Variants in TYR observed in about 807,000 individuals in gnomAD.
TYR encodes tyrosinase.
TYR carries 58 observed loss-of-function variants against 51.5 expected under a neutral mutation model. The observed-to-expected ratio is 1.13, with a 90% CI of 0.91 to 1.40. TYR has a LOEUF of 1.40. TYR is among the 40% of genes most tolerant of loss of function. The probability of loss-of-function intolerance (pLI) is 0.00; values close to 1 mark genes in which losing one functional copy is unlikely to be tolerated. For missense variants in TYR, 732 were observed against 647.4 expected (o/e 1.13, Z -1.42); for synonymous variants, 263 against 235.2 (o/e 1.12, Z -1.08).
intron 1 of TYR, among the ~76,000 whole-genome samples, chr11:89,182,452 G>T (rs992011095): frequency 6.6e-6 from 1 of 152,034 alleles, no homozygotes; most frequent in Non-Finnish European, 1.5e-5. Flanking sequence ...CGTTCTCTCT[G>T]GTAGTTCCAT....
At chr11:89,246,482 T>C (rs78109059) in intron 3 of TYR, among the ~76,000 whole-genome samples, 5,140 of 152,296 alleles carry the variant, frequency 0.034, 142 homozygotes, top group African/African-American at 0.075. Flanking sequence ...TTACTCACTG[T>C]ACTCTAAATG....
intron 1 of TYR, among the ~76,000 whole-genome samples, chr11:89,182,337 G>T (rs1220338612): frequency 1.3e-5 from 2 of 152,130 alleles, no homozygotes; most frequent in African/African-American, 4.8e-5. Context: ...AGATTTCTAG[G>T]ACCATTCACT....
At chr11:89,249,272 G>C (rs1031942634) in intron 3 of TYR, among the ~76,000 whole-genome samples, 1 of 151,774 alleles carries the variant, frequency 6.6e-6, no homozygotes, top group African/African-American at 2.4e-5. Context: ...TAATTATTTA[G>C]CATTATTTAA....
chr11:89,202,275 T>C (rs1439979389), intron 2 of TYR, among the ~76,000 whole-genome samples: 1 of 152,074 alleles, frequency 6.6e-6, no homozygotes, highest in Non-Finnish European at 1.5e-5. Context: ...GCTGTTGAGG[T>C]TGTCTACAGT....
At position 89,210,488 on chromosome 11, in the gene TYR, T is replaced by C. The variant is rs966539760; in HGVS notation, c.1037-17335T>C. Among the ~76,000 whole-genome samples, 5 of 152,260 alleles carry C rather than the reference T, an allele frequency of 3.3e-5. No homozygotes were observed. The East Asian group carries it at 9.6e-4, about 29-fold the overall frequency. On this transcript the variant is annotated intron_variant, in intron 2 of 4. Transcript: ENST00000263321. ...ACTATTTGAAAAGACCAAACCTACA[T>C]TTGATTCGTGTACCTGAAAGTGATG... is the stretch of plus-strand genomic sequence containing the variant.
At chr11:89,278,338 T>G (rs770569966) in intron 3 of TYR, among the ~76,000 whole-genome samples, 1 of 151,628 alleles carries the variant, frequency 6.6e-6, no homozygotes, top group Non-Finnish European at 1.5e-5. Context: ...TTACTGTCTA[T>G]CTCCACCACT....
At chr11:89,245,027 C>G (rs1275395393) in intron 3 of TYR, among the ~76,000 whole-genome samples, 1 of 152,196 alleles carries the variant, frequency 6.6e-6, no homozygotes, top group Non-Finnish European at 1.5e-5. Context: ...ATCTGCAGCA[C>G]CTATCACTAT....
intron 3 of TYR, among the ~76,000 whole-genome samples, chr11:89,244,804 T>A (rs1944242818): frequency 6.6e-6 from 1 of 152,246 alleles, no homozygotes; most frequent in African/African-American, 2.4e-5. Flanking sequence ...CCTTTATGTG[T>A]CATGTGTTAT....
intron 3 of TYR, among the ~76,000 whole-genome samples, chr11:89,237,092 A>G (rs1944125822): frequency 6.6e-6 from 1 of 152,150 alleles, no homozygotes; most frequent in Non-Finnish European, 1.5e-5. Flanking sequence ...GCTCTAATCT[A>G]TTAACTCACA....
chr11:89,256,817 G>A (rs1020065359), intron 3 of TYR, among the ~76,000 whole-genome samples: 5 of 151,838 alleles, frequency 3.3e-5, no homozygotes, highest in Non-Finnish European at 7.4e-5. Context: ...ACCTGACATT[G>A]AAGGAGGAGC....
At chr11:89,293,574 C>A in intron 4 of TYR, among the ~76,000 whole-genome samples, 1 of 151,630 alleles carries the variant, frequency 6.6e-6, no homozygotes, top group Non-Finnish European at 1.5e-5. Context: ...TTCAAAGTAA[C>A]AAGTGGTATT....
intron 3 of TYR, among the ~76,000 whole-genome samples, chr11:89,244,060 T>C (rs970414451): frequency 2.0e-5 from 3 of 152,128 alleles, no homozygotes; most frequent in African/African-American, 7.2e-5. Context: ...ATTTTAAAAC[T>C]TTTTTGCAAC....
chr11:89,276,886 G>A (rs1847136), intron 3 of TYR, among the ~76,000 whole-genome samples: 3,259 of 151,884 alleles, frequency 0.021, 128 homozygotes, highest in African/African-American at 0.075. Flanking sequence ...TGATTCCAAT[G>A]TTGGTTGTAC....
At chr11:89,239,002 T>G (rs1944157627) in intron 3 of TYR, among the ~76,000 whole-genome samples, 2 of 152,168 alleles carry the variant, frequency 1.3e-5, no homozygotes, top group African/African-American at 4.8e-5. Flanking sequence ...TTTGAAGAGT[T>G]TTGCATCTAT....
chr11:89,185,290 A>G (rs1943355843), intron 1 of TYR, among the ~76,000 whole-genome samples: 1 of 152,186 alleles, frequency 6.6e-6, no homozygotes, highest in African/African-American at 2.4e-5. Flanking sequence ...CCTAGGACAG[A>G]GTAGTGACTC....
intron 3 of TYR, among the ~76,000 whole-genome samples, chr11:89,274,204 T>C (rs1944623862): frequency 6.6e-6 from 1 of 151,908 alleles, no homozygotes; most frequent in Non-Finnish European, 1.5e-5. Context: ...CTTTAGATTG[T>C]ATGATTCTCT....
intron 3 of TYR, among the ~76,000 whole-genome samples, chr11:89,276,156 C>T (rs548039119): frequency 6.3e-4 from 96 of 151,902 alleles, no homozygotes; most frequent in Non-Finnish European, 1.1e-3. Context: ...TGTACTTGTG[C>T]CTGCTTTGAA....
intron 1 of TYR, among the ~76,000 whole-genome samples, chr11:89,184,616 C>T (rs35518533): frequency 0.2 from 30,775 of 151,888 alleles, 4,368 homozygotes; most frequent in African/African-American, 0.41. Flanking sequence ...GATTTAGGAA[C>T]GTTATGAGGT....
chr11:89,284,582 A>G (rs1944758669), intron 3 of TYR, among the ~76,000 whole-genome samples, 191 bp from the exon 4 acceptor site: 1 of 151,948 alleles, frequency 6.6e-6, no homozygotes, highest in South Asian at 2.1e-4. Flanking sequence ...TATTTATTTT[A>G]AATGAGTGAA....
Sources: allele counts gnomAD v4.1 joint callset (sites outside exome capture counted in the v4.1 genomes callset), GRCh38; gene constraint gnomAD v4.1.1; transcripts MANE v1.5; gene names NCBI Gene and HGNC (gene_info 2026-07-23, HGNC 2026-07-21).